Variants in RIMBP2 observed in about 807,000 individuals in gnomAD.
The protein encoded by RIMBP2 is RIMS-binding protein 2.
RIMBP2 carries 48 observed loss-of-function variants against 118.6 expected under a neutral mutation model. That is an observed-to-expected ratio of 0.40 (90% CI 0.32 to 0.51). The LOEUF (loss-of-function observed/expected upper bound fraction) is 0.51. Ranked by LOEUF, RIMBP2 falls within the 20% of genes least tolerant of loss-of-function variation. The probability of loss-of-function intolerance (pLI) is 0.41; values close to 1 mark genes in which losing one functional copy is unlikely to be tolerated. For synonymous variants in RIMBP2, 762 were observed against 742.9 expected, an observed-to-expected ratio of 1.03 and a Z score of -0.42; for missense variants, 1,551 against 1,768.3, an observed-to-expected ratio of 0.88 and a Z score of 2.20.
At chr12:130,451,133 A>G in intron 8 of RIMBP2, 62 bp downstream of exon 8, 1 of 1,557,908 alleles carries the variant, frequency 6.4e-7, no homozygotes, top group Admixed American at 1.8e-5. Flanking sequence ...AAACTGGCCA[A>G]CGTCCACACC....
intron 2 of RIMBP2, among the ~76,000 whole-genome samples, chr12:130,527,482 T>G (rs551465882): frequency 1.6e-5 from 2 of 128,744 alleles, no homozygotes; most frequent in African/African-American, 5.2e-5. Flanking sequence ...GGGAAGCACA[T>G]GGTGCTATTT....
intron 1 of RIMBP2, among the ~76,000 whole-genome samples, chr12:130,646,357 C>CGCT: frequency 1.5e-5 from 2 of 133,248 alleles, no homozygotes; most frequent in Admixed American, 7.6e-5. Context: ...CCACCTCCCT[C>CGCT]ACCACCTCCC....
At chr12:130,484,345 T>A (rs1195345063) in intron 4 of RIMBP2, among the ~76,000 whole-genome samples, 1 of 152,192 alleles carries the variant, frequency 6.6e-6, no homozygotes, top group African/African-American at 2.4e-5. Flanking sequence ...CCTCTGGACC[T>A]TCACACGTGT....
chr12:130,713,736 G>A (rs1049943942), intron 1 of RIMBP2, among the ~76,000 whole-genome samples: 1 of 152,186 alleles, frequency 6.6e-6, no homozygotes, highest in African/African-American at 2.4e-5. Context: ...CGTGCCCTAG[G>A]GAGACTCCCG....
intron 1 of RIMBP2, among the ~76,000 whole-genome samples, chr12:130,647,460 T>C (rs2063042748): frequency 9.5e-6 from 1 of 105,578 alleles, no homozygotes; most frequent in South Asian, 2.4e-4. Flanking sequence ...AGCTAAAGCA[T>C]CATCACATCT....
At chr12:130,652,722 T>C (rs1215608522) in intron 1 of RIMBP2, among the ~76,000 whole-genome samples, 1 of 152,258 alleles carries the variant, frequency 6.6e-6, no homozygotes, top group Non-Finnish European at 1.5e-5. Context: ...AATTGGCTCA[T>C]GGTTCTGCAG....
At chr12:130,625,134 A>T (rs897584518) in intron 2 of RIMBP2, among the ~76,000 whole-genome samples, 1 of 152,092 alleles carries the variant, frequency 6.6e-6, no homozygotes, top group African/African-American at 2.4e-5. Flanking sequence ...GGTAATTAGG[A>T]TATTTATTAC....
rs1445137011 is a variant in RIMBP2 at position 130,447,410 on chromosome 12, G to C, written c.582-2141C>G. On this transcript the variant is annotated intron_variant, in intron 9 of 22. Coordinates refer to ENST00000690449, the MANE Select transcript of RIMBP2 (RefSeq NM_001393629.1). This position sits in a 1 kb window ranked among gnomAD's most constrained non-coding sequence, Gnocchi z 4.4. ...ACGCTGCCACGTACTGTGTGGATGA[G>C]ACCAGGGGACACGTCGGGAATGGGG... 6.6e-6 allele frequency among the ~76,000 whole-genome samples: 1 copy of C among 152,178 alleles called. No homozygotes were observed. Among genetic ancestry groups the C allele is most frequent in the Non-Finnish European group, 1.5e-5 (1 of 68,032 alleles).
chr12:130,486,314 G>A (rs1469806584), intron 4 of RIMBP2, among the ~76,000 whole-genome samples: 2 of 151,578 alleles, frequency 1.3e-5, no homozygotes, highest in East Asian at 1.9e-4. Context: ...CGCTGACCTG[G>A]TCTCTCCCCC....
chr12:130,398,475 T>C (rs898943932), intron 22 of RIMBP2: 1 of 152,676 alleles, frequency 6.5e-6, no homozygotes, highest in African/African-American at 2.4e-5. Flanking sequence ...ATCTATTCCA[T>C]CTAATGTGAT....
In RIMBP2 at chr12:130,440,511, G is replaced by A. The variant is rs1316106411; in HGVS notation, c.1504+1337C>T. 2.0e-5 allele frequency among the ~76,000 whole-genome samples: 3 copies of A among 152,148 alleles called. No homozygotes were observed. In the East Asian group the frequency reaches 5.8e-4, roughly 29 times the overall value. ...TCTACCTGAATCTCTCCATCTCAAA[G>A]TTAGTGTCCAGGGGAGCCTCTCCTG... On this transcript the variant is annotated intron_variant, in intron 11 of 22. Transcript: ENST00000690449.
chr12:130,397,646 G>T, intron 22 of RIMBP2, 97 bp from the exon 23 acceptor site: 1 of 396,512 alleles, frequency 2.5e-6, no homozygotes, highest in East Asian at 3.6e-5. Flanking sequence ...ACCAGGAAAG[G>T]TCAGGGGGGT....
At chr12:130,494,904 T>G (rs918133539) in intron 4 of RIMBP2, among the ~76,000 whole-genome samples, 1 of 152,210 alleles carries the variant, frequency 6.6e-6, no homozygotes, top group Non-Finnish European at 1.5e-5. Context: ...GAAATCCAGG[T>G]GTCGGCAGGG....
At chr12:130,667,929 T>A (rs2064023714) in intron 1 of RIMBP2, 1 of 152,262 alleles carries the variant, frequency 6.6e-6, no homozygotes, top group Admixed American at 6.5e-5. Context: ...GTGTGTCTCT[T>A]GACTTGTGTC....
At chr12:130,538,296 A>G (rs916759281) in intron 2 of RIMBP2, among the ~76,000 whole-genome samples, 5 of 100,964 alleles carry the variant, frequency 5.0e-5, no homozygotes, top group Non-Finnish European at 3.9e-5. Context: ...TTCACAGTGG[A>G]AAAAAAAATC....
At chr12:130,656,635 C>T (rs1015520249) in intron 1 of RIMBP2, among the ~76,000 whole-genome samples, 1 of 152,126 alleles carries the variant, frequency 6.6e-6, no homozygotes, top group Admixed American at 6.5e-5. Context: ...TGAGCGACCT[C>T]CCCGCGTCTT....
intron 1 of RIMBP2, among the ~76,000 whole-genome samples, chr12:130,692,081 G>A (rs115845137): frequency 0.011 from 1,684 of 152,320 alleles, 31 homozygotes; most frequent in African/African-American, 0.038. Context: ...TGGAGAGGGC[G>A]TCTGCAGAGC....
At chr12:130,567,356 C>T (rs73456716) in intron 2 of RIMBP2, among the ~76,000 whole-genome samples, 3,863 of 152,310 alleles carry the variant, frequency 0.025, 166 homozygotes, top group African/African-American at 0.088. Flanking sequence ...ACTAGAAAGG[C>T]TGATGCTTAT....
At position 130,396,649 on chromosome 12, in the gene RIMBP2, T is replaced by A. The variant is rs184228432; in HGVS notation, c.*712A>T. 594 of 152,766 alleles carry A rather than the reference T, an allele frequency of 3.9e-3. 2 individuals are homozygous for A. The highest frequency in any genetic ancestry group is 6.3e-3 in the Non-Finnish European group (428 of 68,012). The allele number at this position is 152,766 out of a possible 1,614,324, so 9.5% of individuals were successfully genotyped here. A position where few individuals can be genotyped will look rare whatever the true frequency, so the allele number is the denominator to read the frequency against. On this transcript the variant is annotated 3_prime_UTR_variant, in exon 23 of 23. Coordinates refer to ENST00000690449, the MANE Select transcript of RIMBP2 (RefSeq NM_001393629.1). ...AATAGAACATTAAAAGCAATGAAGA[T>A]AATCGGCTTTCTGGAAGGTTGGAGT...
Sources: gnomAD v4.1 joint callset for allele counts (sites outside exome capture counted in the v4.1 genomes callset) on GRCh38, gnomAD v4.1.1 for gene constraint, Gnocchi (gnomAD v3.1) non-coding constraint, MANE v1.5 for transcripts, NCBI Gene and HGNC (gene_info 2026-07-23, HGNC 2026-07-21) for gene names.